Variants in MAP3K7 observed in about 807,000 individuals in gnomAD.
MAP3K7 encodes the protein TGF-beta activated kinase 1.
A neutral mutation model predicts 84.8 loss-of-function variants in MAP3K7; 21 were observed. That is an observed-to-expected ratio of 0.25 (90% CI 0.18 to 0.36). The LOEUF is 0.36. Ranked by LOEUF, MAP3K7 falls within the 10% of genes least tolerant of loss-of-function variation. The pLI is 1.00. For missense variants in MAP3K7, 503 were observed against 747.7 expected (o/e 0.67, Z 3.82); for synonymous variants, 241 against 247.7 (o/e 0.97, Z 0.25).
chr6:90,533,374 G>T (rs995003292), intron 13 of MAP3K7, among the ~76,000 whole-genome samples: 3 of 152,112 alleles, frequency 2.0e-5, no homozygotes, highest in African/African-American at 7.2e-5. Flanking sequence ...CTTACCATGG[G>T]GCAGCATGGG....
rs539939942 is a variant in MAP3K7, at chr6:90,514,430, C to T, written c.*2071G>A. On this transcript the variant is annotated 3_prime_UTR_variant, in exon 17 of 17. Coordinates refer to ENST00000369329, the MANE Select transcript of MAP3K7 (RefSeq NM_145331.3). ...TCTCAAGGAACTTACTGTAAACAAACAAGCAACTGTTCAACAGCCTCTTGC... is the reference window on the plus strand; with the variant it reads ...TCTCAAGGAACTTACTGTAAACAAATAAGCAACTGTTCAACAGCCTCTTGC... 3 of 152,128 alleles carry T rather than the reference C, an allele frequency of 2.0e-5. No homozygotes were observed. The highest frequency in any genetic ancestry group is 7.2e-5 in the African/African-American group (3 of 41,542). 9.4% of individuals were successfully genotyped at this position (152,128 alleles called of 1,614,324 possible). A position where few individuals can be genotyped will look rare whatever the true frequency, so the allele number is the denominator to read the frequency against.
chr6:90,575,972 G>C (rs1279319750), intron 1 of MAP3K7, among the ~76,000 whole-genome samples: 1 of 151,968 alleles, frequency 6.6e-6, no homozygotes, highest in African/African-American at 2.4e-5. Context: ...GGGAGGGGAG[G>C]AGAAAAGAAA....
chr6:90,570,592 G>A (rs888735616), intron 2 of MAP3K7, among the ~76,000 whole-genome samples: 42 of 152,136 alleles, frequency 2.8e-4, no homozygotes, highest in Non-Finnish European at 5.9e-5. Context: ...TTGGGAAGCA[G>A]AAAATTAGAT....
At chr6:90,581,973 G>C (rs1777286297) in intron 1 of MAP3K7, among the ~76,000 whole-genome samples, 1 of 152,152 alleles carries the variant, frequency 6.6e-6, no homozygotes, top group African/African-American at 2.4e-5. Flanking sequence ...CCTTAACAAA[G>C]CTGAAGAATA....
In MAP3K7 at chr6:90,541,914, C is replaced by T. The variant is rs142552831; in HGVS notation, c.1291+2638G>A. Among the ~76,000 whole-genome samples the T allele has an allele frequency of 1.2e-3, 175 of 151,928 alleles. 1 individual carries two copies. Among genetic ancestry groups the T allele is most frequent in the African/African-American group, 3.9e-3 (160 of 41,478 alleles). On this transcript the variant is annotated intron_variant, in intron 12 of 16. Transcript: ENST00000369329. ...TCTTATTAAGAGAGGTAGTTCATTC[C>T]AAGAAGTACATTAGACTCAGTACAT...
At chr6:90,532,333 G>A (rs1203168122) in intron 13 of MAP3K7, among the ~76,000 whole-genome samples, 1 of 152,074 alleles carries the variant, frequency 6.6e-6, no homozygotes, top group Non-Finnish European at 1.5e-5. Context: ...CAAGAGCCCG[G>A]TGAGGCACAC....
At chr6:90,544,470 G>T in intron 12 of MAP3K7, 82 bp downstream of exon 12, 1 of 1,209,392 alleles carries the variant, frequency 8.3e-7, no homozygotes, top group Non-Finnish European at 1.2e-6. Flanking sequence ...TGTAAAAATT[G>T]GAGCAAGAAG....
Position 90,547,328 on chromosome 6 carries a change from G to A in MAP3K7, c.1140C>T (p.Pro380=). The A allele has an allele frequency of 1.9e-6, 3 of 1,612,316 alleles. No homozygotes were observed. Among genetic ancestry groups the A allele is most frequent in the Non-Finnish European group, 2.5e-6 (3 of 1,179,294 alleles). The change falls in exon 11 of 17, where the codon CCC becomes CCT. Residue 380 remains proline (P), a synonymous_variant. Coordinates refer to ENST00000369329, the MANE Select transcript of MAP3K7 (RefSeq NM_145331.3). ...TCATCCTCTTGCCCTCAGAGGTTGGGGGCAAGCTCTCCACACTGCTCCCAC... is the reference window on the plus strand; with the variant it reads ...TCATCCTCTTGCCCTCAGAGGTTGGAGGCAAGCTCTCCACACTGCTCCCAC... The part of the protein sequence containing the change: ...ASRGSSVESL[P]PTSEGKRMSA...
At chr6:90,537,172 A>G (rs1775708035) in intron 12 of MAP3K7, 6 of 152,054 alleles carry the variant, frequency 3.9e-5, no homozygotes, top group Admixed American at 3.3e-4. Context: ...TTGGGAATAA[A>G]GCTGTTTATG....
chr6:90,552,098 T>C lies in MAP3K7; in HGVS notation c.818A>G (p.Gln273Arg), dbSNP rs138091630. The change falls in exon 8 of 17, where the codon CAG (glutamine) becomes CGG (arginine). Residue 273 changes from glutamine to arginine, a missense_variant. Coordinates refer to ENST00000369329, the MANE Select transcript of MAP3K7 (RefSeq NM_145331.3). ...MTRCWSKDPS[Q>R]RPSMEEIVKI... ...CACAATTTCCTCCATTGAAGGGCGC[T>C]GGGAAGGATCTTTAGACCAACAACG... 30 of 1,612,908 alleles carry C rather than the reference T, an allele frequency of 1.9e-5. No homozygotes were observed. Among genetic ancestry groups the C allele is most frequent in the African/African-American group, 4.0e-5 (3 of 74,890 alleles).
At chr6:90,578,086 T>C (rs1582243120) in intron 1 of MAP3K7, among the ~76,000 whole-genome samples, 2 of 152,276 alleles carry the variant, frequency 1.3e-5, no homozygotes, top group South Asian at 2.1e-4. Context: ...AGTACAAAGA[T>C]ACATAAAAGA....
Position 90,560,198 on chromosome 6 carries a change from T to G in MAP3K7, c.360A>C (p.Glu120Asp). 9 of 1,614,212 alleles carry G rather than the reference T, an allele frequency of 5.6e-6. No individual in the cohort carries two copies. Among genetic ancestry groups the G allele is most frequent in the Non-Finnish European group, 7.6e-6 (9 of 1,180,032 alleles). Residue 120 changes from glutamate to aspartate, a missense_variant, in exon 5 of 17, where the codon GAA (glutamate) becomes GAC (aspartate). Glu to Asp is a conservative substitution (Grantham distance 45). Transcript: ENST00000369329. ...GGGCAGCAGTATAATATGGCAATGG[T>G]TCAGCACCATGCAGCACTGCGAAAG... ...GSLYNVLHGAEPLPYYTAAHA... is the reference protein window; with the variant it reads ...GSLYNVLHGADPLPYYTAAHA...
intron 1 of MAP3K7, among the ~76,000 whole-genome samples, chr6:90,579,736 CA>C (rs1479638838): frequency 1.3e-5 from 2 of 152,168 alleles, no homozygotes; most frequent in African/African-American, 4.8e-5. Context: ...GTACTTATTG[CA>C]ACTTGAGCCA....
chr6:90,549,186 G>C (rs1490377369), intron 9 of MAP3K7, among the ~76,000 whole-genome samples: 1 of 152,118 alleles, frequency 6.6e-6, no homozygotes, highest in Non-Finnish European at 1.5e-5. Flanking sequence ...AGTAACAGAA[G>C]AAAGCAGAGT....
intron 11 of MAP3K7, among the ~76,000 whole-genome samples, chr6:90,546,098 T>C (rs1360173374): frequency 6.6e-6 from 1 of 152,174 alleles, no homozygotes; most frequent in Non-Finnish European, 1.5e-5. Context: ...TCCAGACTTG[T>C]TTATATGTGA....
chr6:90,526,415 A>G (rs1173351900), intron 13 of MAP3K7, among the ~76,000 whole-genome samples: 1 of 152,202 alleles, frequency 6.6e-6, no homozygotes, highest in Non-Finnish European at 1.5e-5. Context: ...ACTGATTTCA[A>G]AACCTTTAAA....
At chr6:90,571,335 T>A (rs997334551) in intron 2 of MAP3K7, among the ~76,000 whole-genome samples, 5 of 152,128 alleles carry the variant, frequency 3.3e-5, no homozygotes, top group African/African-American at 1.2e-4. Context: ...TCTAAAAACA[T>A]TCCATTTAAA....
chr6:90,578,625 A>G (rs1006590406), intron 1 of MAP3K7, among the ~76,000 whole-genome samples: 2 of 152,162 alleles, frequency 1.3e-5, no homozygotes, highest in African/African-American at 2.4e-5. Context: ...GCATATATCC[A>G]TAAGAGTAGA....
At chr6:90,572,586 A>C (rs1776942680) in intron 1 of MAP3K7, among the ~76,000 whole-genome samples, 1 of 151,950 alleles carries the variant, frequency 6.6e-6, no homozygotes, top group Non-Finnish European at 1.5e-5. Flanking sequence ...AAAAAACCAA[A>C]AACCTAATTT....
Sources: gnomAD v4.1 joint callset for allele counts (sites outside exome capture counted in the v4.1 genomes callset) on GRCh38, gnomAD v4.1.1 for gene constraint, MANE v1.5 for transcripts, NCBI Gene and HGNC (gene_info 2026-07-23, HGNC 2026-07-21) for gene names.